Variants in ZNF563 observed in about 807,000 individuals in gnomAD.
ZNF563 encodes zinc finger protein 563.
ZNF563 carries 39 observed loss-of-function variants against 48.5 expected under a neutral mutation model. The observed-to-expected ratio is 0.80, with a 90% CI of 0.62 to 1.05. The LOEUF (loss-of-function observed/expected upper bound fraction) is 1.05, where lower values mean the gene tolerates loss of function less well. ZNF563 is among the 50% of genes least tolerant of loss of function. ZNF563 has a pLI of 0.00. For missense variants in ZNF563, 538 were observed against 597.0 expected, an observed-to-expected ratio of 0.90 and a Z score of 1.03; for synonymous variants, 168 against 187.9, an observed-to-expected ratio of 0.89 and a Z score of 0.87.
chr19:12,326,691 T>C (rs1968805443), intron 1 of ZNF563, among the ~76,000 whole-genome samples: 1 of 151,708 alleles, frequency 6.6e-6, no homozygotes, highest in East Asian at 1.9e-4. Context: ...AATCTACCCA[T>C]TCACAGAAGC....
At position 12,318,640 on chromosome 19, in the gene ZNF563, C is replaced by T; in HGVS notation, c.1385G>A (p.Ser462Asn). 4 of 1,614,108 alleles carry T rather than the reference C, an allele frequency of 2.5e-6. No homozygotes were observed. The highest frequency in any genetic ancestry group is 3.4e-6 in the Non-Finnish European group (4 of 1,180,010). Reference sequence around the variant, plus strand: ...AGTCTTTTCATGTCTTTGACATACACTGGGATAAACAAAGGCTTTCCCACA... The same window carrying T: ...AGTCTTTTCATGTCTTTGACATACATTGGGATAAACAAAGGCTTTCCCACA... ...KVCGKAFVYPSVCQRHEKTHW... is the reference protein window; with the variant it reads ...KVCGKAFVYPNVCQRHEKTHW... The change falls in exon 4 of 4, where the codon AGT becomes AAT. Residue 462 changes from serine to asparagine, a missense_variant. Coordinates refer to ENST00000293725, the MANE Select transcript of ZNF563 (RefSeq NM_145276.3).
chr19:12,335,625 T>C (rs1437751873), upstream of ZNF563, among the ~76,000 whole-genome samples: 6 of 152,214 alleles, frequency 3.9e-5, no homozygotes, highest in African/African-American at 1.2e-4. Context: ...TCCTGGGCCA[T>C]GGGTTGGACA....
the ZNF563 span, among the ~76,000 whole-genome samples, chr19:12,340,926 C>G: frequency 6.7e-6 from 1 of 149,706 alleles, no homozygotes; most frequent in African/African-American, 2.5e-5. Flanking sequence ...GAGTATTTTG[C>G]AGTTTGAAAT....
chr19:12,336,003 TG>T (rs1338157212), upstream of ZNF563, among the ~76,000 whole-genome samples: 1 of 152,242 alleles, frequency 6.6e-6, no homozygotes, highest in African/African-American at 2.4e-5. Context: ...CCATGGCCTC[TG>T]TAAGAGTCTT....
chr19:12,336,532 T>C (rs149791608), upstream of ZNF563, among the ~76,000 whole-genome samples: 7,411 of 152,212 alleles, frequency 0.049, 594 homozygotes, highest in African/African-American at 0.17. Context: ...GTGGAGGTTG[T>C]GGTGAGCTAA....
At chr19:12,324,270 G>A (rs1413495609) in intron 1 of ZNF563, among the ~76,000 whole-genome samples, 3 of 151,906 alleles carry the variant, frequency 2.0e-5, no homozygotes, top group African/African-American at 7.3e-5. Flanking sequence ...GAGGTGGGAG[G>A]ATCACCTGAG....
At chr19:12,339,726 A>G in the ZNF563 span, among the ~76,000 whole-genome samples, 1 of 151,916 alleles carries the variant, frequency 6.6e-6, no homozygotes, top group South Asian at 2.1e-4. Context: ...TCAGAAGGAG[A>G]AGAGAGAGAG....
At position 12,319,722 on chromosome 19, in the gene ZNF563, A is replaced by T; in HGVS notation, c.303T>A (p.Asp101Glu). The change falls in exon 4 of 4, where the codon GAT becomes GAA. Residue 101 changes from aspartate (D) to glutamate (E), a missense_variant. Transcript: ENST00000293725. ...IVNNSICPGE[D>E]PCQSAECEEV... is the part of the protein sequence containing the mutation. ...CTTCACACTCAGCGCTTTGACATGG[A>T]TCTTCTCCAGGACAAATGCTGTTGT... is the stretch of plus-strand genomic sequence containing the variant. 1 of 1,614,100 alleles carries T rather than the reference A, an allele frequency of 6.2e-7. No homozygotes were observed. Among genetic ancestry groups the T allele is most frequent in the Non-Finnish European group, 8.5e-7 (1 of 1,180,018 alleles).
At chr19:12,336,984 T>C (rs75221678), upstream of ZNF563, among the ~76,000 whole-genome samples, 7,430 of 152,304 alleles carry the variant, frequency 0.049, 603 homozygotes, top group African/African-American at 0.17. Flanking sequence ...AACAGTCTTC[T>C]CAGATAGTAA....
the ZNF563 span, among the ~76,000 whole-genome samples, chr19:12,342,374 A>G: frequency 6.6e-6 from 1 of 152,022 alleles, no homozygotes; most frequent in Admixed American, 6.5e-5. Context: ...GGAAAAAAAT[A>G]CACAAATAAG....
At chr19:12,333,691 CCTA>C, upstream of ZNF563, 1 of 637,174 alleles carries the variant, frequency 1.6e-6, no homozygotes, top group East Asian at 3.1e-5. Context: ...AACCTGGCAC[CCTA>C]CTGCCAGCCG....
intron 1 of ZNF563, among the ~76,000 whole-genome samples, chr19:12,327,811 T>G (rs867082048): frequency 6.6e-6 from 1 of 152,150 alleles, no homozygotes; most frequent in Non-Finnish European, 1.5e-5. Context: ...AAGGCATAGA[T>G]AGTGAGTTCA....
At chr19:12,322,833 C>G in intron 1 of ZNF563, 122 bp from the exon 2 acceptor site, 1 of 1,080,478 alleles carries the variant, frequency 9.3e-7, no homozygotes. Flanking sequence ...ATGTAGTAAA[C>G]TCTCTCATAT....
chr19:12,333,507 G>C lies in ZNF563; in HGVS notation c.-25C>G, dbSNP rs377237628. On this transcript the variant is annotated 5_prime_UTR_variant, in exon 1 of 4. Coordinates refer to ENST00000293725, the MANE Select transcript of ZNF563 (RefSeq NM_145276.3). ...TTTCCCGGCTTCCGGGATGTTCCAG[G>C]GTCCTCCCTCTGCCTCCCGCTGCCA... 6.2e-7 allele frequency: 1 copy of C among 1,613,552 alleles called. No homozygotes were observed. The highest frequency in any genetic ancestry group is 1.7e-5 in the Admixed American group (1 of 59,912).
intron 1 of ZNF563, among the ~76,000 whole-genome samples, chr19:12,331,910 C>T (rs147438099): frequency 5.8e-4 from 88 of 152,270 alleles, no homozygotes; most frequent in African/African-American, 2.0e-3. Flanking sequence ...GGAGAAGAGG[C>T]GCAGACATTT....
At position 12,319,456 on chromosome 19, in the gene ZNF563, A is replaced by G. The variant is rs751734723; in HGVS notation, c.569T>C (p.Val190Ala). The G allele has an allele frequency of 3.7e-6, 6 of 1,614,216 alleles. No individual in the cohort carries two copies. The highest frequency in any genetic ancestry group is 5.1e-6 in the Non-Finnish European group (6 of 1,180,032). ...TTTATAAGGTCTATTTCCACCTTGC[A>G]CTACCATGTGTCTTCGAAGGTTTCT... ...SRRNLRRHMV[V>A]QGGNRPYKCK... The change falls in exon 4 of 4, where the codon GTG (valine) becomes GCG (alanine). Residue 190 changes from valine to alanine, a missense_variant. Coordinates refer to ENST00000293725, the MANE Select transcript of ZNF563 (RefSeq NM_145276.3).
chr19:12,347,044 A>G, the ZNF563 span: 2 of 152,322 alleles, frequency 1.3e-5, no homozygotes, highest in South Asian at 4.1e-4. Flanking sequence ...AGTTTGTACC[A>G]GCACTGTAAG....
In ZNF563 at chr19:12,319,829, G is replaced by A. The variant is rs769421017; in HGVS notation, c.196C>T (p.His66Tyr). 6.7e-5 allele frequency: 107 copies of A among 1,607,796 alleles called. No individual in the cohort carries two copies. The highest frequency in any genetic ancestry group is 8.3e-5 in the Non-Finnish European group (98 of 1,176,358). Residue 66 changes from histidine to tyrosine, a missense_variant, in exon 4 of 4, where the codon CAT becomes TAT. Transcript: ENST00000293725. ...CTTTCACTGAATCTCTCTACCATAT[G>A]ACATCTGTAAAAAATGAGTAGTACG... Reference protein sequence around the residue: ...YKNPRRNLRCHMVERFSESKD... With the variant: ...YKNPRRNLRCYMVERFSESKD...
At chr19:12,321,540 G>C (rs1968626278) in intron 2 of ZNF563, among the ~76,000 whole-genome samples, 1 of 152,178 alleles carries the variant, frequency 6.6e-6, no homozygotes. Flanking sequence ...CGCCTCCTGG[G>C]TTCAAGCGAT....
Sources: allele counts gnomAD v4.1 joint callset (sites outside exome capture counted in the v4.1 genomes callset), GRCh38; gene constraint gnomAD v4.1.1; transcripts MANE v1.5; gene names NCBI Gene and HGNC (gene_info 2026-07-23, HGNC 2026-07-21).